The following ZNF385D variants were observed in gnomAD, a reference collection of about 807,000 sequenced individuals.
ZNF385D encodes the protein zinc finger protein 385D.
A neutral mutation model predicts 35.8 loss-of-function variants in ZNF385D; 15 were observed. The observed-to-expected ratio is 0.42, with a 90% CI of 0.28 to 0.64. ZNF385D has a LOEUF of 0.64. Ranked by LOEUF, ZNF385D falls within the 30% of genes least tolerant of loss-of-function variation. ZNF385D has a pLI of 0.23. For missense variants in ZNF385D, 474 were observed against 494.6 expected (o/e 0.96, Z 0.39); for synonymous variants, 212 against 186.8 (o/e 1.13, Z -1.10).
intron 2 of ZNF385D, among the ~76,000 whole-genome samples, chr3:22,338,134 A>C (rs947688047): frequency 6.6e-6 from 1 of 152,226 alleles, no homozygotes; most frequent in African/African-American, 2.4e-5. Context: ...ACATGAAAAG[A>C]AAGTAGGAGA....
intron 3 of ZNF385D, among the ~76,000 whole-genome samples, chr3:21,928,271 A>AAGAG: frequency 2.8e-5 from 4 of 142,436 alleles, no homozygotes; most frequent in Admixed American, 2.1e-4. Context: ...GGAAGGAAGG[A>AAGAG]AGGAAGAGAG....
chr3:21,807,423 A>G (rs1452665920), intron 3 of ZNF385D, among the ~76,000 whole-genome samples: 1 of 152,172 alleles, frequency 6.6e-6, no homozygotes, highest in Non-Finnish European at 1.5e-5. Flanking sequence ...GCAATCATTT[A>G]TGGGTATTCT....
At chr3:21,422,780 A>C (rs1700803785) in intron 7 of ZNF385D, among the ~76,000 whole-genome samples, 2 of 152,196 alleles carry the variant, frequency 1.3e-5, no homozygotes, top group Admixed American at 6.5e-5. Context: ...TTTCAATAAA[A>C]TTCAACACCC....
At chr3:21,782,255 C>G (rs2071519731) in intron 3 of ZNF385D, among the ~76,000 whole-genome samples, 2 of 152,066 alleles carry the variant, frequency 1.3e-5, no homozygotes, top group African/African-American at 2.4e-5. Context: ...GTAGTGCCGG[C>G]CAAGTGGAGG....
At chr3:21,899,869 C>G (rs1429874896) in intron 3 of ZNF385D, among the ~76,000 whole-genome samples, 1 of 152,052 alleles carries the variant, frequency 6.6e-6, no homozygotes, top group Admixed American at 6.6e-5. Flanking sequence ...AAGTTGAAGT[C>G]TTGCTTAAGA....
chr3:22,065,847 C>T (rs976215354), intron 3 of ZNF385D, among the ~76,000 whole-genome samples: 9 of 152,044 alleles, frequency 5.9e-5, no homozygotes, highest in Non-Finnish European at 7.4e-5. Context: ...CTTATCTCCT[C>T]ATTTTGATTC....
At chr3:21,885,824 C>G (rs113680608) in intron 3 of ZNF385D, among the ~76,000 whole-genome samples, 171 of 150,552 alleles carry the variant, frequency 1.1e-3, no homozygotes, top group Non-Finnish European at 2.0e-3. Context: ...GCTCACACAA[C>G]TGTGAAGGCT....
At chr3:22,173,010 C>T (rs190585801) in intron 2 of ZNF385D, among the ~76,000 whole-genome samples, 2 of 152,352 alleles carry the variant, frequency 1.3e-5, no homozygotes, top group Non-Finnish European at 2.9e-5. Context: ...TTCACATCAA[C>T]AGTGACAGGT....
intron 3 of ZNF385D, among the ~76,000 whole-genome samples, chr3:21,888,077 G>A (rs1218896604): frequency 6.6e-6 from 1 of 151,614 alleles, no homozygotes. Flanking sequence ...CTCAATAATT[G>A]CTCCCCCCCT....
chr3:21,731,875 A>G (rs867656842), intron 1 of ZNF385D, among the ~76,000 whole-genome samples: 83 of 151,998 alleles, frequency 5.5e-4, no homozygotes, highest in African/African-American at 1.6e-3. Flanking sequence ...CCTTTTCATC[A>G]CTTGGTAGTT....
chr3:21,885,855 G>A (rs1324639390), intron 3 of ZNF385D, among the ~76,000 whole-genome samples: 2 of 151,650 alleles, frequency 1.3e-5, no homozygotes, highest in African/African-American at 4.8e-5. Context: ...GAAATCTGCA[G>A]GAGTTACAGT....
chr3:21,675,020 A>AT lies in ZNF385D; in HGVS notation c.23-9993dup, dbSNP rs566370955. ...CACAGCCTGCTGAGATATTGTACCCATTTTTTTATTGTGTCCAAATTAACA... is the reference window on the plus strand; with the variant it reads ...CACAGCCTGCTGAGATATTGTACCCATTTTTTTTATTGTGTCCAAATTAACA... On this transcript the variant is annotated intron_variant, in intron 1 of 7. Transcript: ENST00000281523. Among the ~76,000 whole-genome samples the AT allele has an allele frequency of 6.6e-5, 10 of 152,052 alleles. No homozygotes were observed. The South Asian group carries it at 8.3e-4, about 13-fold the overall frequency.
At chr3:21,973,743 T>C (rs1703417626) in intron 3 of ZNF385D, among the ~76,000 whole-genome samples, 1 of 151,930 alleles carries the variant, frequency 6.6e-6, no homozygotes, top group Admixed American at 6.6e-5. Context: ...GGATACAATA[T>C]CAACATGCAA....
At chr3:21,796,020 C>T (rs941000520) in intron 3 of ZNF385D, among the ~76,000 whole-genome samples, 1 of 152,188 alleles carries the variant, frequency 6.6e-6, no homozygotes, top group Non-Finnish European at 1.5e-5. Context: ...TGTGGCAATA[C>T]TATCATAGCA....
In ZNF385D at chr3:22,246,708, T is replaced by C. The variant is rs570379297; in HGVS notation, c.107-77673A>G. Among the ~76,000 whole-genome samples, 44 of 152,226 alleles carry C rather than the reference T, an allele frequency of 2.9e-4. No individual in the cohort carries two copies. The South Asian group carries it at 7.1e-3, about 24-fold the overall frequency. ...CAAAGGAGGGAAAGATTATTGCATTTTTTATTCTTATTATGAAGGTAGAAA... is the reference window on the plus strand; with the variant it reads ...CAAAGGAGGGAAAGATTATTGCATTCTTTATTCTTATTATGAAGGTAGAAA... On this transcript the variant is annotated intron_variant, in intron 2 of 5. Transcript: ENST00000494108.
intron 3 of ZNF385D, among the ~76,000 whole-genome samples, chr3:21,797,856 G>A (rs187255715): frequency 1.3e-5 from 2 of 152,194 alleles, no homozygotes; most frequent in East Asian, 1.9e-4. Context: ...GTAGGAGTGG[G>A]GGATGCATAG....
At chr3:22,104,535 G>A (rs1483438666) in intron 3 of ZNF385D, among the ~76,000 whole-genome samples, 3 of 151,580 alleles carry the variant, frequency 2.0e-5, no homozygotes, top group Non-Finnish European at 4.4e-5. Context: ...GATTTTGGCA[G>A]ACATTTTTTT....
intron 3 of ZNF385D, among the ~76,000 whole-genome samples, chr3:21,961,199 T>A (rs1319138914): frequency 2.0e-5 from 3 of 151,998 alleles, no homozygotes; most frequent in African/African-American, 7.2e-5. Flanking sequence ...AATTAGAATA[T>A]GTCAACTAAA....
At chr3:21,801,286 T>G (rs761634997) in intron 3 of ZNF385D, among the ~76,000 whole-genome samples, 43 of 152,182 alleles carry the variant, frequency 2.8e-4, no homozygotes, top group Non-Finnish European at 5.0e-4. Flanking sequence ...GTCTATAGTT[T>G]TCTTTTGATG....
Sources: allele counts gnomAD v4.1 joint callset (sites outside exome capture counted in the v4.1 genomes callset), GRCh38; gene constraint gnomAD v4.1.1; transcripts MANE v1.5; gene names NCBI Gene and HGNC (gene_info 2026-07-23, HGNC 2026-07-21).